MYO18A: variants seen among roughly 807,000 people sequenced by gnomAD.
MYO18A encodes the protein myosin XVIIIA, also known as unconventional myosin-XVIIIa.
In MYO18A, 78 loss-of-function variants were observed where a neutral mutation model predicts 235.8. The ratio of observed to expected loss-of-function variants is 0.33; its 90% CI spans 0.28 to 0.40. The LOEUF is 0.40. MYO18A is among the 10% of genes least tolerant of loss of function. The probability of loss-of-function intolerance (pLI) is 1.00; values close to 1 mark genes in which losing one functional copy is unlikely to be tolerated. For synonymous variants in MYO18A, 977 were observed against 1,077.8 expected (o/e 0.91, Z 1.83); for missense variants, 2,215 against 2,699.3 (o/e 0.82, Z 3.98).
At chr17:29,097,133 G>C (rs1418443051) in intron 27 of MYO18A, 90 bp downstream of exon 27, 1 of 1,547,230 alleles carries the variant, frequency 6.5e-7, no homozygotes, top group Non-Finnish European at 8.7e-7. Context: ...AGCCAGGCCT[G>C]CCTGCCCCCA....
intron 19 of MYO18A, among the ~76,000 whole-genome samples, chr17:29,107,860 G>A (rs1176919152): frequency 2.0e-5 from 3 of 149,150 alleles, no homozygotes; most frequent in African/African-American, 7.5e-5. Flanking sequence ...AGGCTGCAGT[G>A]AGCCAAGATC....
intron 2 of MYO18A, among the ~76,000 whole-genome samples, chr17:29,122,907 G>C (rs1050305313): frequency 6.6e-6 from 1 of 152,186 alleles, no homozygotes; most frequent in Non-Finnish European, 1.5e-5. Flanking sequence ...TCTCCATGCC[G>C]CCATCAGCAA....
At chr17:29,131,141 C>T (rs1164101904) in intron 2 of MYO18A, among the ~76,000 whole-genome samples, 1 of 152,220 alleles carries the variant, frequency 6.6e-6, no homozygotes, top group Non-Finnish European at 1.5e-5. Context: ...CTCCTTCACA[C>T]ACCTGAAGCT....
rs2067161788 is a variant in MYO18A, at chr17:29,120,097, AG to A, written c.1728+518del. On this transcript the variant is annotated intron_variant, in intron 7 of 41. Coordinates refer to ENST00000527372, the MANE Select transcript of MYO18A (RefSeq NM_078471.4). The surrounding 1 kb of genome is among the most constrained non-coding windows in gnomAD (Gnocchi z 4.2). The stretch of plus-strand genomic sequence containing the variant: ...GCTCAATCAGATACCAGATCCCTCT[AG>A]GATCAAATGGGGGACAGAAACCAGA... Among the ~76,000 whole-genome samples, 1 of 152,182 alleles carries A rather than the reference AG, an allele frequency of 6.6e-6. No homozygotes were observed. The highest frequency in any genetic ancestry group is 6.5e-5 in the Admixed American group (1 of 15,282).
At chr17:29,110,328 G>A (rs1250963234) in intron 18 of MYO18A, 108 bp downstream of exon 18, 10 of 1,353,370 alleles carry the variant, frequency 7.4e-6, no homozygotes, top group East Asian at 5.0e-5. Context: ...ACAGTGGGAC[G>A]CTGAGTGGGC....
In MYO18A at chr17:29,109,604, G is replaced by A. The variant is rs2066877937; in HGVS notation, c.3331+254C>T. Among the ~76,000 whole-genome samples, 3 of 152,206 alleles carry A rather than the reference G, an allele frequency of 2.0e-5. No homozygotes were observed. Among genetic ancestry groups the A allele is most frequent in the Admixed American group, 1.3e-4 (2 of 15,272 alleles). On this transcript the variant is annotated intron_variant, in intron 19 of 41. Transcript: ENST00000527372. The surrounding 1 kb of genome is among the most constrained non-coding windows in gnomAD (Gnocchi z 4.1). ...GTGGACAAATGACAAGGTGCAGGGT[G>A]GAGCTAGGAAGGGAGGGGGACAAAG...
intron 20 of MYO18A, among the ~76,000 whole-genome samples, chr17:29,105,305 G>C (rs1483183774): frequency 6.6e-6 from 1 of 152,130 alleles, no homozygotes; most frequent in Non-Finnish European, 1.5e-5. Flanking sequence ...AGGGCAGCAG[G>C]AGGAAAGCCC....
rs756829356 is a variant in MYO18A, at chr17:29,158,964, G to A, written c.999+6978C>T. Among the ~76,000 whole-genome samples the A allele has an allele frequency of 1.3e-5, 2 of 152,088 alleles. No homozygotes were observed. The highest frequency in any genetic ancestry group is 2.4e-5 in the African/African-American group (1 of 41,416). On this transcript the variant is annotated intron_variant, in intron 2 of 41. Coordinates refer to ENST00000527372, the MANE Select transcript of MYO18A (RefSeq NM_078471.4). The surrounding 1 kb of genome is among the most constrained non-coding windows in gnomAD (Gnocchi z 4.3). ...GTCAGGGCAGGCAGGAAGGGACCAT[G>A]ACAGGAAGAGGCAAGGGCAGGCTAC... is the stretch of plus-strand genomic sequence containing the variant.
In MYO18A at chr17:29,158,701, G is replaced by C. The variant is rs496532; in HGVS notation, c.999+7241C>G. ...GCAGTGAGTAGAATACAGCAGCTTA[G>C]TGCATTGGGGTGGCGGGAGCCCTGC... On this transcript the variant is annotated intron_variant, in intron 2 of 41. Coordinates refer to ENST00000527372, the MANE Select transcript of MYO18A (RefSeq NM_078471.4). The surrounding 1 kb of genome is among the most constrained non-coding windows in gnomAD (Gnocchi z 4.3). 2.0e-5 allele frequency among the ~76,000 whole-genome samples: 3 copies of C among 152,216 alleles called. No homozygotes were observed. Among genetic ancestry groups the C allele is most frequent in the African/African-American group, 7.2e-5 (3 of 41,462 alleles).
chr17:29,093,903 G>A, intron 31 of MYO18A, 77 bp downstream of exon 31: 2 of 1,036,702 alleles, frequency 1.9e-6, no homozygotes, highest in Non-Finnish European at 2.9e-6. Context: ...GAGGTAGGGA[G>A]GTGGAAAGCC....
chr17:29,115,871 T>C, intron 11 of MYO18A, 31 bp from the exon 12 acceptor site: 2 of 1,553,716 alleles, frequency 1.3e-6, no homozygotes, highest in Non-Finnish European at 1.7e-6. Flanking sequence ...TCTGGCATCC[T>C]GGGTCTTTTT....
At chr17:29,155,051 G>C (rs2068037877) in intron 2 of MYO18A, among the ~76,000 whole-genome samples, 1 of 152,184 alleles carries the variant, frequency 6.6e-6, no homozygotes, top group Non-Finnish European at 1.5e-5. Flanking sequence ...GTCACGGAGA[G>C]TCATGACAGT....
intron 31 of MYO18A, 95 bp from the exon 32 acceptor site, chr17:29,093,522 G>A (rs2152763627): frequency 1.1e-6 from 1 of 910,816 alleles, no homozygotes; most frequent in Non-Finnish European, 1.7e-6. Context: ...CAGGAAAACA[G>A]TGGGGCAGGC....
Position 29,106,625 on chromosome 17 carries a change from A to G in MYO18A, c.3441+455T>C, listed in dbSNP as rs953636639. ...TTCCGCAGCCACAAGTTCACCAACC[A>G]GGGCCGGCAAATGGCCCGGCAGCCT... is the stretch of plus-strand genomic sequence containing the variant. On this transcript the variant is annotated intron_variant, in intron 20 of 41. Transcript: ENST00000527372. This position sits in a 1 kb window ranked among gnomAD's most constrained non-coding sequence, Gnocchi z 4.6. Among the ~76,000 whole-genome samples the G allele has an allele frequency of 6.6e-6, 1 of 152,174 alleles. No individual in the cohort carries two copies. Among genetic ancestry groups the G allele is most frequent in the Non-Finnish European group, 1.5e-5 (1 of 68,008 alleles).
rs1246328505 is a variant in MYO18A, at chr17:29,158,721, C to A, written c.999+7221G>T. Reference sequence around the variant, plus strand: ...GCTTAGTGCATTGGGGTGGCGGGAGCCCTGCTGGCAGGCAGCGCGTGCCTG... The same window carrying A: ...GCTTAGTGCATTGGGGTGGCGGGAGACCTGCTGGCAGGCAGCGCGTGCCTG... On this transcript the variant is annotated intron_variant, in intron 2 of 41. Transcript: ENST00000527372. This position sits in a 1 kb window ranked among gnomAD's most constrained non-coding sequence, Gnocchi z 4.3. Among the ~76,000 whole-genome samples, 2 of 152,158 alleles carry A rather than the reference C, an allele frequency of 1.3e-5. No individual in the cohort carries two copies. Among genetic ancestry groups the A allele is most frequent in the Non-Finnish European group, 2.9e-5 (2 of 68,012 alleles).
chr17:29,100,682 T>C (rs530245694), intron 21 of MYO18A, among the ~76,000 whole-genome samples: 1 of 152,332 alleles, frequency 6.6e-6, no homozygotes, highest in East Asian at 1.9e-4. Flanking sequence ...GGTATAGGCC[T>C]ACCTCCAACT....
intron 2 of MYO18A, chr17:29,124,679 CAGA>C: frequency 2.3e-6 from 3 of 1,285,232 alleles, no homozygotes; most frequent in Non-Finnish European, 3.0e-6. Flanking sequence ...GAGGCGGCCT[CAGA>C]GTCCAGCTAC....
Position 29,115,691 on chromosome 17 carries a change from C to T in MYO18A, c.2200G>A (p.Glu734Lys), listed in dbSNP as rs758318318. Residue 734 changes from glutamate (E) to lysine (K), a missense_variant, in exon 12 of 42, where the codon GAG becomes AAG. Glu to Lys is a moderately conservative substitution (Grantham distance 56). Coordinates refer to ENST00000527372, the MANE Select transcript of MYO18A (RefSeq NM_078471.4). Reference sequence around the variant, plus strand: ...GTCCCATCTCCCAGGCCACTCTCCTCGGGGCCCTGGCGGAAGGAGGTGGAG... The same window carrying T: ...GTCCCATCTCCCAGGCCACTCTCCTTGGGGCCCTGGCGGAAGGAGGTGGAG... Reference protein sequence around the residue: ...QRSTSFRQGPEESGLGDGTGP... With the variant: ...QRSTSFRQGPKESGLGDGTGP... 13 of 1,606,062 alleles carry T rather than the reference C, an allele frequency of 8.1e-6. No individual in the cohort carries two copies. Among genetic ancestry groups the T allele is most frequent in the Admixed American group, 3.4e-5 (2 of 59,176 alleles).
chr17:29,118,362 C>T lies in MYO18A; in HGVS notation c.1893+15G>A. 1 of 1,600,376 alleles carries T rather than the reference C, an allele frequency of 6.2e-7. No individual in the cohort carries two copies. The highest frequency in any genetic ancestry group is 1.7e-4 in the Middle Eastern group (1 of 6,032). Reference sequence around the variant, plus strand: ...AGGCCCAGGGCTGGCAACCCAGACCCCACAGACCCCTCACCTTGGCCAGTG... The same window carrying T: ...AGGCCCAGGGCTGGCAACCCAGACCTCACAGACCCCTCACCTTGGCCAGTG... On this transcript the variant is annotated intron_variant, in intron 9 of 41. Transcript: ENST00000527372. This position sits in a 1 kb window ranked among gnomAD's most constrained non-coding sequence, Gnocchi z 4.2.
Sources: gnomAD v4.1 joint callset for allele counts (sites outside exome capture counted in the v4.1 genomes callset) on GRCh38, gnomAD v4.1.1 for gene constraint, Gnocchi (gnomAD v3.1) non-coding constraint, MANE v1.5 for transcripts, NCBI Gene and HGNC (gene_info 2026-07-23, HGNC 2026-07-21) for gene names.